The following PCNX2 variants were observed in gnomAD, a reference collection of about 807,000 sequenced individuals.
PCNX2 encodes pecanex 2.
Under a neutral mutation model 223.8 loss-of-function variants are expected in PCNX2, and 168 were observed. That is an observed-to-expected ratio of 0.75 (90% CI 0.66 to 0.85). PCNX2 has a LOEUF of 0.85. Among genes scored for constraint, PCNX2 ranks in the 40% least tolerant of loss-of-function variants. The pLI, the probability that PCNX2 is intolerant of heterozygous loss-of-function variation, is 0.00. For synonymous variants in PCNX2, 1,006 were observed against 1,052.6 expected (o/e 0.96, Z 0.86); for missense variants, 2,507 against 2,675.5 (o/e 0.94, Z 1.39).
intron 23 of PCNX2, among the ~76,000 whole-genome samples, chr1:233,074,679 AAG>A (rs1673016374): frequency 6.6e-6 from 1 of 151,846 alleles, no homozygotes. Flanking sequence ...ACATATATCT[AAG>A]AGAGTACAAC....
intron 21 of PCNX2, among the ~76,000 whole-genome samples, chr1:233,129,252 C>A (rs1676293672): frequency 1.3e-5 from 2 of 152,242 alleles, no homozygotes; most frequent in Admixed American, 1.3e-4. Context: ...GCACCCGGGC[C>A]AGCAGCTGCA....
chr1:233,289,564 G>A (rs1401109601), intron 1 of PCNX2: 2 of 612,608 alleles, frequency 3.3e-6, no homozygotes, highest in South Asian at 2.0e-5. Flanking sequence ...TCAGGCAGGT[G>A]AGGGCAGGAG....
At chr1:233,192,275 C>T (rs148576638) in intron 15 of PCNX2, among the ~76,000 whole-genome samples, 1 of 152,282 alleles carries the variant, frequency 6.6e-6, no homozygotes, top group East Asian at 1.9e-4. Context: ...TGTGAGTTTG[C>T]GGTAGCTGTG....
chr1:233,154,021 A>G (rs1232368298), intron 19 of PCNX2, among the ~76,000 whole-genome samples: 2 of 152,206 alleles, frequency 1.3e-5, no homozygotes, highest in Non-Finnish European at 2.9e-5. Flanking sequence ...GTTTTGTAAT[A>G]GTGGATTTTT....
intron 25 of PCNX2, among the ~76,000 whole-genome samples, chr1:233,050,400 C>A (rs1235757915): frequency 6.6e-6 from 1 of 151,044 alleles, no homozygotes; most frequent in Non-Finnish European, 1.5e-5. Context: ...AGGAACAAAT[C>A]CAGAGGCATC....
At chr1:233,200,552 G>A (rs76481291) in intron 13 of PCNX2, among the ~76,000 whole-genome samples, 10,536 of 151,974 alleles carry the variant, frequency 0.069, 614 homozygotes, top group East Asian at 0.32. Context: ...GATACAAGGA[G>A]CTGATCCTGA....
intron 1 of PCNX2, among the ~76,000 whole-genome samples, chr1:233,289,907 C>G (rs1444463505): frequency 6.6e-6 from 1 of 152,202 alleles, no homozygotes; most frequent in African/African-American, 2.4e-5. Context: ...AGGTCTCCTG[C>G]TGACAGGATT....
chr1:232,984,624 T>G, intron 33 of PCNX2, 147 bp from the exon 34 acceptor site: 1 of 844,976 alleles, frequency 1.2e-6, no homozygotes, highest in Admixed American at 2.9e-5. Flanking sequence ...GGTCAAATGA[T>G]AGAGGGCCAG....
At chr1:233,096,620 C>T (rs1335036074) in intron 21 of PCNX2, among the ~76,000 whole-genome samples, 1 of 152,100 alleles carries the variant, frequency 6.6e-6, no homozygotes, top group Non-Finnish European at 1.5e-5. Context: ...ATTTCTCTCC[C>T]CAAAATCCAC....
At chr1:233,054,002 A>G (rs1472798243) in intron 25 of PCNX2, among the ~76,000 whole-genome samples, 1 of 152,178 alleles carries the variant, frequency 6.6e-6, no homozygotes, top group Non-Finnish European at 1.5e-5. Flanking sequence ...TTTTTCCCAG[A>G]AGGATTAAAA....
chr1:233,151,337 C>CA (rs1677796507), intron 19 of PCNX2, among the ~76,000 whole-genome samples: 1 of 152,194 alleles, frequency 6.6e-6, no homozygotes, highest in East Asian at 1.9e-4. Flanking sequence ...ACCACAGTGG[C>CA]CACACCGACT....
Position 233,001,973 on chromosome 1 carries a change from CA to C in PCNX2, c.4953-293del, listed in dbSNP as rs1232657491. On this transcript the variant is annotated intron_variant, in intron 28 of 33. Transcript: ENST00000258229. This position sits in a 1 kb window ranked among gnomAD's most constrained non-coding sequence, Gnocchi z 4.2. ...TAGGATTCCAGGTCAGAACTGGCCT[CA>C]CGTGTCCACTCAAAGTTAGAGTGCT... Among the ~76,000 whole-genome samples, 1 of 152,158 alleles carries C rather than the reference CA, an allele frequency of 6.6e-6. No individual in the cohort carries two copies. Among genetic ancestry groups the C allele is most frequent in the African/African-American group, 2.4e-5 (1 of 41,432 alleles).
At chr1:233,325,301 T>C in the PCNX2 span, among the ~76,000 whole-genome samples, 1 of 152,054 alleles carries the variant, frequency 6.6e-6, no homozygotes, top group Admixed American at 6.6e-5. Context: ...ACTGAGAAGT[T>C]CACGACTTCA....
intron 25 of PCNX2, among the ~76,000 whole-genome samples, chr1:233,049,076 C>T (rs1199295810): frequency 1.3e-5 from 2 of 152,052 alleles, no homozygotes; most frequent in African/African-American, 4.8e-5. Flanking sequence ...GAGCTAGTAC[C>T]AATTCTACTG....
chr1:233,070,929 G>T (rs1672826963), intron 23 of PCNX2, among the ~76,000 whole-genome samples: 1 of 152,024 alleles, frequency 6.6e-6, no homozygotes, highest in Non-Finnish European at 1.5e-5. Context: ...CCCAGCTACT[G>T]GGGAGGCTGA....
chr1:233,057,282 C>T lies in PCNX2; in HGVS notation c.4085G>A (p.Arg1362Gln), dbSNP rs370569341. ...KFWEKNYNTR[R>Q]VDNSNTRLAV... ...CAGTCTTGTGTTGGAATTATCCACT[C>T]GCCTTGTACTAGAAGAGGCCACAAA... The change falls in exon 24 of 34, where the codon CGA (arginine) becomes CAA (glutamine). Residue 1362 changes from arginine to glutamine, a missense_variant. Physicochemically the swap from Arg to Gln is conservative, Grantham distance 43. Transcript: ENST00000258229. 11 of 1,609,216 alleles carry T rather than the reference C, an allele frequency of 6.8e-6. No individual in the cohort carries two copies. Among genetic ancestry groups the T allele is most frequent in the East Asian group, 6.7e-5 (3 of 44,824 alleles).
chr1:233,294,672 G>A (rs1026689597), intron 1 of PCNX2, among the ~76,000 whole-genome samples: 16 of 151,926 alleles, frequency 1.1e-4, no homozygotes, highest in African/African-American at 3.9e-4. Flanking sequence ...ACCTAAGAAG[G>A]CCATCTATGT....
At chr1:232,995,145 C>A (rs1365179319) in intron 32 of PCNX2, among the ~76,000 whole-genome samples, 1 of 152,168 alleles carries the variant, frequency 6.6e-6, no homozygotes, top group Non-Finnish European at 1.5e-5. Context: ...TTATCACCTG[C>A]AGCAAGGATG....
In PCNX2 at chr1:233,285,476, C is replaced by T. The variant is rs183371616; in HGVS notation, c.153+9850G>A. Among the ~76,000 whole-genome samples, 342 of 152,094 alleles carry T rather than the reference C, an allele frequency of 2.2e-3. 2 individuals are homozygous for T. Among genetic ancestry groups the T allele is most frequent in the African/African-American group, 8.1e-3 (336 of 41,490 alleles). ...AGATCACAAGGTCAGGAGTTCGAGA[C>T]CAGCCTGGCCAATATGGTGAAACCC... is the stretch of plus-strand genomic sequence containing the variant. On this transcript the variant is annotated intron_variant, in intron 1 of 33. Transcript: ENST00000258229.
Sources: gnomAD v4.1 joint callset for allele counts (sites outside exome capture counted in the v4.1 genomes callset) on GRCh38, gnomAD v4.1.1 for gene constraint, Gnocchi (gnomAD v3.1) non-coding constraint, MANE v1.5 for transcripts, NCBI Gene and HGNC (gene_info 2026-07-23, HGNC 2026-07-21) for gene names.